HACE1: variants seen among roughly 807,000 people sequenced by gnomAD.
The protein encoded by HACE1 is E3 ubiquitin-protein ligase HACE1.
In HACE1, 73 loss-of-function variants were observed where a neutral mutation model predicts 118.4. That is an observed-to-expected ratio of 0.62 (90% CI 0.51 to 0.75). HACE1 has a LOEUF of 0.75. Among genes scored for constraint, HACE1 ranks in the 30% least tolerant of loss-of-function variants. The pLI is 0.00. For missense variants in HACE1, 749 were observed against 1,102.2 expected (o/e 0.68, Z 4.54); for synonymous variants, 368 against 374.8 (o/e 0.98, Z 0.21).
intron 7 of HACE1, among the ~76,000 whole-genome samples, chr6:104,801,279 T>C (rs1479099506): frequency 6.6e-6 from 1 of 152,128 alleles, no homozygotes; most frequent in East Asian, 1.9e-4. Context: ...TGGAACCAAG[T>C]TGGAAAACAC....
chr6:104,769,248 T>G (rs1296379897), intron 19 of HACE1, among the ~76,000 whole-genome samples: 1 of 152,116 alleles, frequency 6.6e-6, no homozygotes, highest in Non-Finnish European at 1.5e-5. Context: ...TTGCCCAGGC[T>G]TGTCTCGAAC....
At chr6:104,840,268 C>G (rs1774966231) in intron 5 of HACE1, among the ~76,000 whole-genome samples, 2 of 152,176 alleles carry the variant, frequency 1.3e-5, no homozygotes, top group Non-Finnish European at 2.9e-5. Context: ...CAACTATAAC[C>G]AACTATTTGG....
intron 17 of HACE1, among the ~76,000 whole-genome samples, chr6:104,775,609 A>T: frequency 6.6e-6 from 1 of 152,298 alleles, no homozygotes; most frequent in African/African-American, 2.4e-5. Context: ...AATTAAACTC[A>T]TGACTTCACT....
chr6:104,730,671 T>C (rs1775106294), intron 22 of HACE1: 3 of 443,018 alleles, frequency 6.8e-6, no homozygotes, highest in South Asian at 6.6e-5. Flanking sequence ...TACCTCAATA[T>C]TGCATTTAGT....
chr6:104,841,449 G>GCA (rs1291802520), intron 5 of HACE1, among the ~76,000 whole-genome samples: 1 of 152,098 alleles, frequency 6.6e-6, no homozygotes, highest in Non-Finnish European at 1.5e-5. Context: ...ACCCTCTGTT[G>GCA]CACGTACCGT....
intron 20 of HACE1, among the ~76,000 whole-genome samples, chr6:104,748,928 T>C (rs1349718450): frequency 1.3e-5 from 2 of 152,188 alleles, no homozygotes; most frequent in African/African-American, 2.4e-5. Flanking sequence ...TATGGGGTGC[T>C]AGAATTTCTG....
intron 19 of HACE1, among the ~76,000 whole-genome samples, chr6:104,759,937 T>C (rs918951935): frequency 3.3e-5 from 5 of 152,104 alleles, no homozygotes; most frequent in Admixed American, 6.5e-5. Flanking sequence ...GCAAATAAAC[T>C]AGAAAATCCA....
intron 7 of HACE1, among the ~76,000 whole-genome samples, chr6:104,802,583 T>A (rs1770502282): frequency 6.6e-6 from 1 of 152,274 alleles, no homozygotes; most frequent in East Asian, 1.9e-4. Context: ...CACAACTACA[T>A]GGAAACTGAA....
chr6:104,760,397 A>G (rs1329842147), intron 19 of HACE1, among the ~76,000 whole-genome samples: 1 of 152,138 alleles, frequency 6.6e-6, no homozygotes, highest in Non-Finnish European at 1.5e-5. Flanking sequence ...TTCAACATAC[A>G]CAATCAATAA....
intron 1 of HACE1, among the ~76,000 whole-genome samples, chr6:104,853,099 C>A (rs571766969): frequency 6.6e-6 from 1 of 152,240 alleles, no homozygotes; most frequent in South Asian, 2.1e-4. Flanking sequence ...ATGAGGGCTC[C>A]TCTTTCATGA....
intron 1 of HACE1, chr6:104,859,346 C>A (rs1777068960): frequency 2.0e-6 from 1 of 512,510 alleles, no homozygotes; most frequent in African/African-American, 2.1e-5. Flanking sequence ...AGCGGAACCC[C>A]CACCAACCCA....
At chr6:104,795,711 G>C (rs1769546196) in intron 9 of HACE1, 26 bp from the exon 10 acceptor site, 2 of 1,338,268 alleles carry the variant, frequency 1.5e-6, no homozygotes, top group East Asian at 4.6e-5. Flanking sequence ...ATAAAAAAAT[G>C]TGATTACATA....
intron 1 of HACE1, among the ~76,000 whole-genome samples, chr6:104,856,001 T>C (rs1304456934): frequency 1.3e-5 from 2 of 152,178 alleles, no homozygotes; most frequent in South Asian, 2.1e-4. Flanking sequence ...CAGGTAAGTA[T>C]GAAGAAATAA....
At chr6:104,753,875 A>G (rs1442281848) in intron 19 of HACE1, among the ~76,000 whole-genome samples, 3 of 152,230 alleles carry the variant, frequency 2.0e-5, no homozygotes, top group Non-Finnish European at 2.9e-5. Flanking sequence ...ACACCTCTCC[A>G]GCAAAAGCAC....
At chr6:104,777,433 C>T (rs1341717078) in intron 14 of HACE1, 116 bp from the exon 15 acceptor site, 1 of 724,300 alleles carries the variant, frequency 1.4e-6, no homozygotes, top group East Asian at 2.6e-5. Flanking sequence ...TCTTTATTTA[C>T]AATAAGGAGT....
chr6:104,814,090 A>C (rs1378446355), intron 6 of HACE1, among the ~76,000 whole-genome samples: 1 of 137,846 alleles, frequency 7.3e-6, no homozygotes. Flanking sequence ...TTTGTGAATC[A>C]ATCAAGGGAG....
chr6:104,796,643 C>A lies in HACE1; in HGVS notation c.816+12G>T. On this transcript the variant is annotated intron_variant, in intron 9 of 23. Transcript: ENST00000262903. ...CTTCTTCATTTACAAGCTACTATCACAAATACAATACCATGTTTTCTCGGA... is the reference window on the plus strand; with the variant it reads ...CTTCTTCATTTACAAGCTACTATCAAAAATACAATACCATGTTTTCTCGGA... 7.9e-7 allele frequency: 1 copy of A among 1,260,202 alleles called. No homozygotes were observed. The highest frequency in any genetic ancestry group is 1.2e-5 in the South Asian group (1 of 83,612). 78.1% of individuals were successfully genotyped at this position (1,260,202 alleles called of 1,614,324 possible).
chr6:104,739,230 C>T (rs1776329812), intron 22 of HACE1, among the ~76,000 whole-genome samples: 1 of 152,096 alleles, frequency 6.6e-6, no homozygotes, highest in African/African-American at 2.4e-5. Context: ...ATGTAAAGAC[C>T]ATCAAGACTA....
intron 7 of HACE1, among the ~76,000 whole-genome samples, chr6:104,800,012 G>A (rs943753947): frequency 2.6e-5 from 4 of 152,070 alleles, no homozygotes; most frequent in South Asian, 4.1e-4. Context: ...GCCAAAATAC[G>A]GCGCTTTTCC....
Sources: allele counts gnomAD v4.1 joint callset (sites outside exome capture counted in the v4.1 genomes callset), GRCh38; gene constraint gnomAD v4.1.1; transcripts MANE v1.5; gene names NCBI Gene and HGNC (gene_info 2026-07-23, HGNC 2026-07-21).